The following MLLT10 variants were observed in gnomAD, a reference collection of about 807,000 sequenced individuals.
MLLT10 encodes protein AF-10.
MLLT10 carries 30 observed loss-of-function variants against 129.1 expected under a neutral mutation model. That is an observed-to-expected ratio of 0.23 (90% CI 0.17 to 0.32). The LOEUF (loss-of-function observed/expected upper bound fraction) is 0.32. Ranked by LOEUF, MLLT10 falls within the 10% of genes least tolerant of loss-of-function variation. MLLT10 has a pLI of 1.00. For missense variants in MLLT10, 1,119 were observed against 1,268.3 expected (o/e 0.88, Z 1.79); for synonymous variants, 490 against 446.4 (o/e 1.10, Z -1.23).
At chr10:21,655,885 C>T (rs543894716) in intron 9 of MLLT10, among the ~76,000 whole-genome samples, 2 of 152,076 alleles carry the variant, frequency 1.3e-5, no homozygotes, top group African/African-American at 4.8e-5. Flanking sequence ...GTACATTGCA[C>T]CTTGTTCTCG....
intron 3 of MLLT10, among the ~76,000 whole-genome samples, chr10:21,552,695 C>T (rs1270718350): frequency 6.6e-6 from 1 of 152,130 alleles, no homozygotes. Flanking sequence ...CCCGGCCTCT[C>T]TCATTGCTTT....
chr10:21,626,032 A>C, intron 8 of MLLT10: 1 of 1,264,846 alleles, frequency 7.9e-7, no homozygotes. Context: ...TTACATTCAG[A>C]GTATAATCAT....
At chr10:21,665,691 A>G (rs915860248) in intron 9 of MLLT10, among the ~76,000 whole-genome samples, 4 of 152,014 alleles carry the variant, frequency 2.6e-5, no homozygotes, top group African/African-American at 9.7e-5. Flanking sequence ...TTTACAGATA[A>G]TATGATTCTC....
At chr10:21,540,251 T>C (rs961723428) in intron 3 of MLLT10, among the ~76,000 whole-genome samples, 2 of 151,922 alleles carry the variant, frequency 1.3e-5, no homozygotes, top group African/African-American at 4.8e-5. Context: ...ATTAACTGGA[T>C]GTGGCAGCGC....
At chr10:21,738,886 A>G (rs2058601162) in intron 21 of MLLT10, among the ~76,000 whole-genome samples, 3 of 152,078 alleles carry the variant, frequency 2.0e-5, no homozygotes, top group Admixed American at 2.0e-4. Flanking sequence ...CTGTCTGTAA[A>G]TAGCATCTCT....
In MLLT10 at chr10:21,674,615, T is replaced by C. The variant is rs180788156; in HGVS notation, c.1621+696T>C. On this transcript the variant is annotated intron_variant, in intron 11 of 22. Coordinates refer to ENST00000307729, the MANE Select transcript of MLLT10 (RefSeq NM_001195626.3). ...TGTATTATGAATGTTATTTTCAGTTTTTAAAAATTTCTTCAAAATGCAATG... is the reference window on the plus strand; with the variant it reads ...TGTATTATGAATGTTATTTTCAGTTCTTAAAAATTTCTTCAAAATGCAATG... 1.1e-4 allele frequency among the ~76,000 whole-genome samples: 16 copies of C among 152,338 alleles called. No individual in the cohort carries two copies. The East Asian group carries it at 1.3e-3, about 13-fold the overall frequency.
chr10:21,651,610 C>A, intron 8 of MLLT10, 63 bp from the exon 9 acceptor site: 2 of 1,080,326 alleles, frequency 1.9e-6, no homozygotes, highest in Non-Finnish European at 2.7e-6. Flanking sequence ...ATAAAAAAAT[C>A]TCTGTTGCAT....
chr10:21,567,595 A>T (rs2131022460), intron 3 of MLLT10, among the ~76,000 whole-genome samples: 1 of 152,058 alleles, frequency 6.6e-6, no homozygotes, highest in Admixed American at 6.6e-5. Context: ...CCCCTGCTTA[A>T]TTTTCTCTGA....
intron 10 of MLLT10, among the ~76,000 whole-genome samples, chr10:21,671,670 A>G (rs890294892): frequency 1.3e-5 from 2 of 152,206 alleles, no homozygotes; most frequent in African/African-American, 2.4e-5. Context: ...CTATAGTCCC[A>G]GCTACTTCAG....
At chr10:21,689,546 A>AAT (rs370885697) in intron 13 of MLLT10, among the ~76,000 whole-genome samples, 4,903 of 108,040 alleles carry the variant, frequency 0.045, 284 homozygotes, top group African/African-American at 0.13. Context: ...TGTGTAAAGT[A>AAT]ATATATATAT....
intron 16 of MLLT10, among the ~76,000 whole-genome samples, chr10:21,730,142 A>C (rs978777521): frequency 2.0e-5 from 3 of 151,860 alleles, no homozygotes; most frequent in Non-Finnish European, 2.9e-5. Flanking sequence ...CCGCCCAAAA[A>C]AAAGCTGTGC....
chr10:21,615,557 A>G (rs2045169729), intron 7 of MLLT10, among the ~76,000 whole-genome samples: 1 of 151,498 alleles, frequency 6.6e-6, no homozygotes, highest in African/African-American at 2.4e-5. Context: ...AGGAAACTTT[A>G]TATTTTTAAG....
At chr10:21,676,800 G>T (rs1415266466) in intron 11 of MLLT10, among the ~76,000 whole-genome samples, 1 of 145,332 alleles carries the variant, frequency 6.9e-6, no homozygotes, top group Non-Finnish European at 1.5e-5. Flanking sequence ...TATAATCATG[G>T]AATAAGATTA....
chr10:21,647,671 GT>G (rs1017632282), intron 8 of MLLT10, among the ~76,000 whole-genome samples: 7 of 148,786 alleles, frequency 4.7e-5, no homozygotes, highest in African/African-American at 1.7e-4. Flanking sequence ...GCATGTTTCT[GT>G]TGCTGTTTAC....
intron 9 of MLLT10, among the ~76,000 whole-genome samples, chr10:21,661,911 TTTA>T (rs1390609689): frequency 2.0e-5 from 3 of 152,184 alleles, no homozygotes; most frequent in South Asian, 2.1e-4. Context: ...ATCTACCATA[TTTA>T]TTATTATTTT....
At chr10:21,621,717 G>T (rs1373646697) in intron 8 of MLLT10, among the ~76,000 whole-genome samples, 2 of 151,886 alleles carry the variant, frequency 1.3e-5, no homozygotes, top group Non-Finnish European at 2.9e-5. Flanking sequence ...ACTGCCCATG[G>T]GCGTAAAGGA....
intron 8 of MLLT10, chr10:21,625,006 C>T (rs184312500): frequency 9.6e-7 from 1 of 1,045,346 alleles, no homozygotes; most frequent in East Asian, 2.4e-5. Context: ...ACTGCATAGC[C>T]ACCATCATAG....
At chr10:21,547,681 G>C (rs1268244211) in intron 3 of MLLT10, among the ~76,000 whole-genome samples, 1 of 151,812 alleles carries the variant, frequency 6.6e-6, no homozygotes, top group East Asian at 1.9e-4. Flanking sequence ...TGGGACTACA[G>C]GCACATGCCA....
intron 4 of MLLT10, among the ~76,000 whole-genome samples, chr10:21,592,938 A>G (rs1434159986): frequency 6.6e-6 from 1 of 152,126 alleles, no homozygotes; most frequent in Non-Finnish European, 1.5e-5. Context: ...CTCTGATTAC[A>G]TGTGTGTTAG....
Sources: gnomAD v4.1 joint callset for allele counts (sites outside exome capture counted in the v4.1 genomes callset) on GRCh38, gnomAD v4.1.1 for gene constraint, MANE v1.5 for transcripts, NCBI Gene and HGNC (gene_info 2026-07-23, HGNC 2026-07-21) for gene names.